RRBP1: variants seen among roughly 807,000 people sequenced by gnomAD.
The protein encoded by RRBP1 is ribosome binding protein 1.
A neutral mutation model predicts 165.2 loss-of-function variants in RRBP1; 94 were observed. That is an observed-to-expected ratio of 0.57 (90% CI 0.48 to 0.68). RRBP1 has a LOEUF of 0.68. Among genes scored for constraint, RRBP1 ranks in the 30% least tolerant of loss-of-function variants. The probability of loss-of-function intolerance (pLI) is 0.00; values close to 1 mark genes in which losing one functional copy is unlikely to be tolerated. For missense variants in RRBP1, 1,676 were observed against 1,763.0 expected (o/e 0.95, Z 0.88); for synonymous variants, 680 against 714.5 (o/e 0.95, Z 0.77).
At chr20:17,641,940 G>A (rs549646460) in intron 4 of RRBP1, 21 bp from the exon 5 acceptor site, 128 of 1,605,860 alleles carry the variant, frequency 8.0e-5, no homozygotes, top group Middle Eastern at 3.3e-4. Context: ...CCAGAGATGC[G>A]TTAACAGAGG....
At position 17,627,603 on chromosome 20, in the gene RRBP1, G is replaced by A. The variant is rs1318205576; in HGVS notation, c.2829C>T (p.Leu943=). 6.2e-7 allele frequency: 1 copy of A among 1,613,536 alleles called. No individual in the cohort carries two copies. The highest frequency in any genetic ancestry group is 1.1e-5 in the South Asian group (1 of 91,052). ...GGGAGTTCTCCGCCCTGGCCTCCTG[G>A]AGCTGCCCGTGGAGGCCACTCAGCT... The part of the protein sequence containing the change: ...CEELSGLHGQ[L]QEARAENSQL... The change falls in exon 10 of 25, where the codon CTC becomes CTT. Residue 943 remains leucine, a synonymous_variant. Coordinates refer to ENST00000377813, the MANE Select transcript of RRBP1 (RefSeq NM_001365613.2).
intron 2 of RRBP1, among the ~76,000 whole-genome samples, chr20:17,678,664 T>G (rs544805418): frequency 4.6e-5 from 7 of 152,262 alleles, no homozygotes; most frequent in Non-Finnish European, 1.0e-4. Context: ...GGAAACCATC[T>G]ACAGCCACGC....
chr20:17,641,898 C>G lies in RRBP1; in HGVS notation c.2083G>C (p.Val695Leu), dbSNP rs1368994648. Residue 695 changes from valine to leucine, a missense_variant, in exon 5 of 25, where the codon GTG (valine) becomes CTG (leucine). Physicochemically the swap from Val to Leu is conservative, Grantham distance 32. Transcript: ENST00000377813. The part of the protein sequence containing the change: ...WHKATQKGDP[V>L]AILKRQLEEK... ...TCCAGCTGGCGTTTCAGAATCGCCA[C>G]AGGGTCACCCTTCTGAGTGGCCTAG... is the stretch of plus-strand genomic sequence containing the variant. 1 of 1,613,880 alleles carries G rather than the reference C, an allele frequency of 6.2e-7. No homozygotes were observed. Among genetic ancestry groups the G allele is most frequent in the African/African-American group, 1.3e-5 (1 of 74,956 alleles).
chr20:17,633,687 G>A (rs778771823), intron 7 of RRBP1, 74 bp from the exon 8 acceptor site: 1 of 1,485,976 alleles, frequency 6.7e-7, no homozygotes, highest in Non-Finnish European at 9.2e-7. Flanking sequence ...CCTCCCTCCA[G>A]GACTCCAGCT....
rs745876596 is a variant in RRBP1, at chr20:17,629,840, T to C, written c.2732A>G (p.Gln911Arg). 2 of 1,598,568 alleles carry C rather than the reference T, an allele frequency of 1.3e-6. No homozygotes were observed. ...LRADAEKAQE[Q>R]QQQMAELHSK... Reference sequence around the variant, plus strand: ...GCCCTTACCGGCCATCTGCTGCTGTTGCTCCTGGGCCTTCTCGGCATCCGC... The same window carrying C: ...GCCCTTACCGGCCATCTGCTGCTGTCGCTCCTGGGCCTTCTCGGCATCCGC... The change falls in exon 9 of 25, where the codon CAA becomes CGA. Residue 911 changes from glutamine (Q) to arginine (R), a missense_variant. This residue lies in a region of RRBP1 where 1,184 missense variants were observed against 1,167.1 expected (regional missense o/e 1.01). Transcript: ENST00000377813.
chr20:17,618,306 G>A (rs552700528), intron 20 of RRBP1, among the ~76,000 whole-genome samples: 1 of 152,266 alleles, frequency 6.6e-6, no homozygotes, highest in Non-Finnish European at 1.5e-5. Flanking sequence ...GGGCTCACAG[G>A]GAATGCAGAC....
intron 2 of RRBP1, among the ~76,000 whole-genome samples, chr20:17,662,823 T>C (rs1193950901): frequency 6.6e-6 from 1 of 152,072 alleles, no homozygotes; most frequent in African/African-American, 2.4e-5. Flanking sequence ...CTCCTCTGGG[T>C]ACTTACAAGA....
intron 1 of RRBP1, among the ~76,000 whole-genome samples, chr20:17,680,834 T>C (rs112851877): frequency 0.12 from 18,154 of 151,920 alleles, 1,405 homozygotes; most frequent in Middle Eastern, 0.24. Flanking sequence ...CAGCCAACAC[T>C]TGTGGCTCCT....
At chr20:17,681,600 T>G (rs2037190242) in intron 1 of RRBP1, among the ~76,000 whole-genome samples, 1 of 143,212 alleles carries the variant, frequency 7.0e-6, no homozygotes, top group African/African-American at 2.6e-5. Context: ...TCCGGCGGCT[T>G]CCCGAAACTT....
chr20:17,633,634 C>A (rs754986742), intron 7 of RRBP1, 21 bp from the exon 8 acceptor site: 118 of 1,611,620 alleles, frequency 7.3e-5, no homozygotes, highest in Non-Finnish European at 9.8e-5. Context: ...GTCACCAGCC[C>A]GACTAATGGA....
chr20:17,643,061 A>T lies in RRBP1; in HGVS notation c.1979T>A (p.Met660Lys). Reference protein sequence around the residue: ...YKTLVSTVGSMVFNEGEAQRL... With the variant: ...YKTLVSTVGSKVFNEGEAQRL... ...CTGGGCCTCGCCCTCGTTGAACACC[A>T]TGCTCCCAACCGTGGAGACCAGCGT... Residue 660 changes from methionine (M) to lysine (K), a missense_variant, in exon 4 of 25, where the codon ATG becomes AAG. Coordinates refer to ENST00000377813, the MANE Select transcript of RRBP1 (RefSeq NM_001365613.2). This position sits in a 1 kb window ranked among gnomAD's most constrained non-coding sequence, Gnocchi z 4.3. 6.2e-7 allele frequency: 1 copy of T among 1,613,996 alleles called. No individual in the cohort carries two copies.
rs550347689 is a variant in RRBP1 at position 17,619,665 on chromosome 20, C to T, written c.3643G>A (p.Glu1215Lys). 79 of 1,612,550 alleles carry T rather than the reference C, an allele frequency of 4.9e-5. No homozygotes were observed. The highest frequency in any genetic ancestry group is 6.1e-5 in the Non-Finnish European group (72 of 1,179,742). The change falls in exon 19 of 25, where the codon GAG (glutamate) becomes AAG (lysine). Residue 1215 changes from glutamate to lysine, a missense_variant. Physicochemically the swap from Glu to Lys is moderately conservative, Grantham distance 56 (BLOSUM62 1). This residue lies in a region of RRBP1 where 1,184 missense variants were observed against 1,167.1 expected (regional missense o/e 1.01). Coordinates refer to ENST00000377813, the MANE Select transcript of RRBP1 (RefSeq NM_001365613.2). ...LEKHMAAASA[E>K]CQNYAKEVAG... is the part of the protein sequence containing the mutation. The stretch of plus-strand genomic sequence containing the variant: ...ACCTCCTTGGCGTAGTTCTGGCACT[C>T]GGCGCTGGCGGCCGCCATGTGCTTT...
rs940879940 is a variant in RRBP1, at chr20:17,643,559, T to C, written c.1913-432A>G. 7.2e-5 allele frequency among the ~76,000 whole-genome samples: 11 copies of C among 152,124 alleles called. No individual in the cohort carries two copies. Among genetic ancestry groups the C allele is most frequent in the Admixed American group, 7.2e-4 (11 of 15,280 alleles). On this transcript the variant is annotated intron_variant, in intron 3 of 24. Coordinates refer to ENST00000377813, the MANE Select transcript of RRBP1 (RefSeq NM_001365613.2). The surrounding 1 kb of genome is among the most constrained non-coding windows in gnomAD (Gnocchi z 4.3). Reference sequence around the variant, plus strand: ...CTGGCTGTGACTGAGCCCCGTGGCCTTGTGGGACCTGACTGGGCAGCGAAT... The same window carrying C: ...CTGGCTGTGACTGAGCCCCGTGGCCCTGTGGGACCTGACTGGGCAGCGAAT...
intron 2 of RRBP1, among the ~76,000 whole-genome samples, chr20:17,675,717 C>T (rs1159282108): frequency 6.6e-6 from 1 of 152,190 alleles, no homozygotes; most frequent in Non-Finnish European, 1.5e-5. Flanking sequence ...ACAGAGGCCA[C>T]CGTGGCTGCA....
chr20:17,648,324 G>A (rs2036500926), intron 3 of RRBP1, among the ~76,000 whole-genome samples: 1 of 152,224 alleles, frequency 6.6e-6, no homozygotes, highest in Non-Finnish European at 1.5e-5. Flanking sequence ...AAATGCTCCT[G>A]GAGGCAAACT....
intron 2 of RRBP1, among the ~76,000 whole-genome samples, chr20:17,662,079 G>A (rs928576873): frequency 6.6e-6 from 1 of 152,068 alleles, no homozygotes; most frequent in Non-Finnish European, 1.5e-5. Context: ...TGGCTAACAC[G>A]GTGAAACCCT....
chr20:17,616,218 G>A (rs1568749664), intron 21 of RRBP1, among the ~76,000 whole-genome samples: 1 of 152,102 alleles, frequency 6.6e-6, no homozygotes. Context: ...CAACCTCAGG[G>A]GCCTTTAACG....
chr20:17,621,394 C>G, intron 16 of RRBP1, 64 bp downstream of exon 16: 1 of 1,280,618 alleles, frequency 7.8e-7, no homozygotes. Context: ...GCCCCATAGG[C>G]CCCGAAGCTC....
intron 9 of RRBP1, 45 bp from the exon 10 acceptor site, chr20:17,627,727 C>A: frequency 6.5e-7 from 1 of 1,529,540 alleles, no homozygotes. Context: ...ACTGCAAACC[C>A]CAGGGGGTGT....
Sources: gnomAD v4.1 joint callset for allele counts (sites outside exome capture counted in the v4.1 genomes callset) on GRCh38, gnomAD v4.1.1 for gene constraint, gnomAD v4.1.1 regional missense constraint, Gnocchi (gnomAD v3.1) non-coding constraint, MANE v1.5 for transcripts, NCBI Gene and HGNC (gene_info 2026-07-23, HGNC 2026-07-21) for gene names.